The following RAP1GAP2 variants were observed in gnomAD, a reference collection of about 807,000 sequenced individuals.
RAP1GAP2 encodes the protein RAP1 GTPase activating protein 2, also known as rap1 GTPase-activating protein 2.
In RAP1GAP2, 27 loss-of-function variants were observed where a neutral mutation model predicts 95.0. The observed-to-expected ratio is 0.28, with a 90% confidence interval of 0.21 to 0.39. RAP1GAP2 has a LOEUF of 0.39. Among genes scored for constraint, RAP1GAP2 ranks in the 10% least tolerant of loss-of-function variants. The probability of loss-of-function intolerance (pLI) is 1.00; values close to 1 mark genes in which losing one functional copy is unlikely to be tolerated. For missense variants in RAP1GAP2, 771 were observed against 970.0 expected, an observed-to-expected ratio of 0.79 and a Z score of 2.72; for synonymous variants, 373 against 380.9, an observed-to-expected ratio of 0.98 and a Z score of 0.24.
upstream of RAP1GAP2, among the ~76,000 whole-genome samples, chr17:2,775,631 G>A (rs1205768641): frequency 6.6e-6 from 1 of 152,142 alleles, no homozygotes; most frequent in Non-Finnish European, 1.5e-5. Context: ...ACAGACAGAA[G>A]CGAAAACTTC....
In RAP1GAP2 at chr17:2,857,837, C is replaced by T. The variant is rs1225280507; in HGVS notation, c.81-47447C>T. On this transcript the variant is annotated intron_variant, in intron 2 of 24. Transcript: ENST00000254695. This position sits in a 1 kb window ranked among gnomAD's most constrained non-coding sequence, Gnocchi z 4.0. ...GTTCTTGGCCGGGCGCGGCAGCTCA[C>T]GCCTGTAATCCCAGCACTTTGGGAG... 6.6e-6 allele frequency among the ~76,000 whole-genome samples: 1 copy of T among 152,206 alleles called. No individual in the cohort carries two copies. The highest frequency in any genetic ancestry group is 1.5e-5 in the Non-Finnish European group (1 of 68,044).
chr17:2,760,716 C>T (rs565007980), intron 1 of RAP1GAP2, among the ~76,000 whole-genome samples: 1 of 151,552 alleles, frequency 6.6e-6, no homozygotes, highest in African/African-American at 2.4e-5. Flanking sequence ...GGGCCCCATT[C>T]AAGATACCGC....
intron 8 of RAP1GAP2, among the ~76,000 whole-genome samples, chr17:2,977,359 T>C (rs1329936269): frequency 6.6e-6 from 1 of 152,120 alleles, no homozygotes; most frequent in Admixed American, 6.6e-5. Context: ...CGCAAAAGTA[T>C]CCTCCTATAA....
rs1232726227 is a variant in RAP1GAP2, at chr17:2,857,522, G to A, written c.81-47762G>A. On this transcript the variant is annotated intron_variant, in intron 2 of 24. Transcript: ENST00000254695. The surrounding 1 kb of genome is among the most constrained non-coding windows in gnomAD (Gnocchi z 4.0). ...TTGGACTTGACCGTGCTCTACGGGAGCTGTGGGGCAGCCTGGAGGTTATGC... is the reference window on the plus strand; with the variant it reads ...TTGGACTTGACCGTGCTCTACGGGAACTGTGGGGCAGCCTGGAGGTTATGC... Among the ~76,000 whole-genome samples the A allele has an allele frequency of 7.9e-5, 12 of 152,222 alleles. No individual in the cohort carries two copies. The highest frequency in any genetic ancestry group is 1.6e-4 in the Non-Finnish European group (11 of 68,042).
chr17:3,003,645 C>T lies in RAP1GAP2; in HGVS notation c.1201-1724C>T, dbSNP rs897713234. On this transcript the variant is annotated intron_variant, in intron 14 of 24. Coordinates refer to ENST00000254695, the MANE Select transcript of RAP1GAP2 (RefSeq NM_015085.5). This position sits in a 1 kb window ranked among gnomAD's most constrained non-coding sequence, Gnocchi z 4.1. ...CTCCTTCCAGCCATGCAGGTCCCTT[C>T]CCCAGAGTCACCTGCATCTGCCTCT... Among the ~76,000 whole-genome samples, 12 of 152,190 alleles carry T rather than the reference C, an allele frequency of 7.9e-5. No homozygotes were observed. The highest frequency in any genetic ancestry group is 2.7e-4 in the African/African-American group (11 of 41,436).
At chr17:2,766,184 C>G (rs1193271280) in intron 1 of RAP1GAP2, among the ~76,000 whole-genome samples, 1 of 152,156 alleles carries the variant, frequency 6.6e-6, no homozygotes, top group Non-Finnish European at 1.5e-5. Flanking sequence ...ACTGTGCGTC[C>G]TCTGCACCCT....
At chr17:2,761,764 T>G (rs1436932864) in intron 1 of RAP1GAP2, among the ~76,000 whole-genome samples, 1 of 152,094 alleles carries the variant, frequency 6.6e-6, no homozygotes, top group African/African-American at 2.4e-5. Flanking sequence ...TACAATAAAA[T>G]AAATAAATTG....
At chr17:2,940,007 C>CT (rs1328474690) in intron 3 of RAP1GAP2, among the ~76,000 whole-genome samples, 1 of 152,248 alleles carries the variant, frequency 6.6e-6, no homozygotes, top group Non-Finnish European at 1.5e-5. Context: ...TGCAGTGGAG[C>CT]TAAAGGCAGC....
At chr17:2,884,536 C>T (rs1401929676) in intron 2 of RAP1GAP2, among the ~76,000 whole-genome samples, 2 of 151,854 alleles carry the variant, frequency 1.3e-5, no homozygotes, top group African/African-American at 4.8e-5. Flanking sequence ...CTATGCCTGG[C>T]TAATATTTGT....
Position 3,037,367 on chromosome 17 carries a change from C to CACCA in RAP1GAP2, c.*4006_*4007insACCA, listed in dbSNP as rs1471155291. 2.9e-5 allele frequency: 2 copies of CACCA among 68,698 alleles called. 1 individual carries two copies. The highest frequency in any genetic ancestry group is 2.7e-4 in the Admixed American group (2 of 7,320). The allele number at this position is 68,698 out of a possible 1,614,324, so 4.3% of individuals were successfully genotyped here. A position where few individuals can be genotyped will look rare whatever the true frequency, so the allele number is the denominator to read the frequency against. ...TTTCTGCTTGGAAGTGTGAACTACC[C>CACCA]CCCCCCCCCCGCTTCCTGCTCCTTA... On this transcript the variant is annotated 3_prime_UTR_variant, in exon 25 of 25. Coordinates refer to ENST00000254695, the MANE Select transcript of RAP1GAP2 (RefSeq NM_015085.5).
chr17:2,858,119 A>G (rs11655776), intron 2 of RAP1GAP2, among the ~76,000 whole-genome samples: 5,134 of 152,250 alleles, frequency 0.034, 123 homozygotes, highest in Middle Eastern at 0.048. Flanking sequence ...GTACGTTCTG[A>G]AAGATGTGGA....
chr17:2,853,749 G>A (rs192337270), intron 2 of RAP1GAP2, among the ~76,000 whole-genome samples: 3,438 of 146,858 alleles, frequency 0.023, 140 homozygotes, highest in African/African-American at 0.08. Context: ...GCGAGCCTCG[G>A]AAATGCCCGC....
At chr17:2,812,045 C>T (rs879537647) in intron 2 of RAP1GAP2, among the ~76,000 whole-genome samples, 3 of 152,148 alleles carry the variant, frequency 2.0e-5, no homozygotes, top group Non-Finnish European at 2.9e-5. Flanking sequence ...AAAATCTTGA[C>T]AACTAACTGC....
In RAP1GAP2 at chr17:2,852,090, C is replaced by T. The variant is rs151140567; in HGVS notation, c.80+51540C>T. Among the ~76,000 whole-genome samples the T allele has an allele frequency of 3.3e-5, 5 of 152,148 alleles. No homozygotes were observed. The East Asian group carries it at 5.8e-4, about 18-fold the overall frequency. ...TCCTCGGGTGCTGTGTGCTATAGCGCGGTGGGAGAGAGGGGAAGAGAAGCT... is the reference window on the plus strand; with the variant it reads ...TCCTCGGGTGCTGTGTGCTATAGCGTGGTGGGAGAGAGGGGAAGAGAAGCT... On this transcript the variant is annotated intron_variant, in intron 2 of 24. Coordinates refer to ENST00000254695, the MANE Select transcript of RAP1GAP2 (RefSeq NM_015085.5).
At chr17:2,971,163 C>T (rs775499069) in intron 8 of RAP1GAP2, among the ~76,000 whole-genome samples, 9 of 152,110 alleles carry the variant, frequency 5.9e-5, no homozygotes, top group Non-Finnish European at 1.3e-4. Context: ...AAATACATTT[C>T]AGAGAGCAAG....
In RAP1GAP2 at chr17:2,965,761, G is replaced by C. The variant is rs534695632; in HGVS notation, c.596+118G>C. 2.6e-6 allele frequency: 2 copies of C among 759,986 alleles called. No homozygotes were observed. The highest frequency in any genetic ancestry group is 5.4e-5 in the East Asian group (2 of 37,008). The allele number at this position is 759,986 out of a possible 1,614,324, so 47.1% of individuals were successfully genotyped here. A position where few individuals can be genotyped will look rare whatever the true frequency, so the allele number is the denominator to read the frequency against. The stretch of plus-strand genomic sequence containing the variant: ...CTGACCAGTCTGGTCTGGGTGCACT[G>C]GCTGACGGGGACAGGCCTGCTGGAA... On this transcript the variant is annotated intron_variant, in intron 8 of 24. Coordinates refer to ENST00000254695, the MANE Select transcript of RAP1GAP2 (RefSeq NM_015085.5). The surrounding 1 kb of genome is among the most constrained non-coding windows in gnomAD (Gnocchi z 4.7).
At chr17:2,986,562 A>G (rs995949997) in intron 11 of RAP1GAP2, among the ~76,000 whole-genome samples, 7 of 150,930 alleles carry the variant, frequency 4.6e-5, no homozygotes, top group Non-Finnish European at 8.8e-5. Context: ...TTTTTTAAGA[A>G]CCTAGGCAGA....
At chr17:2,760,661 C>A (rs1177623109) in intron 1 of RAP1GAP2, among the ~76,000 whole-genome samples, 1 of 150,848 alleles carries the variant, frequency 6.6e-6, no homozygotes, top group African/African-American at 2.5e-5. Flanking sequence ...TTTTTTTTTA[C>A]TTACGGTAAA....
At chr17:2,845,459 A>C (rs1420939270) in intron 2 of RAP1GAP2, among the ~76,000 whole-genome samples, 1 of 152,244 alleles carries the variant, frequency 6.6e-6, no homozygotes, top group Non-Finnish European at 1.5e-5. Context: ...CATTTTGGAC[A>C]AATGGATCCT....
Sources: gnomAD v4.1 joint callset for allele counts (sites outside exome capture counted in the v4.1 genomes callset) on GRCh38, gnomAD v4.1.1 for gene constraint, Gnocchi (gnomAD v3.1) non-coding constraint, MANE v1.5 for transcripts, NCBI Gene and HGNC (gene_info 2026-07-23, HGNC 2026-07-21) for gene names.